RBFOX1: variants seen among roughly 807,000 people sequenced by gnomAD.
RBFOX1 encodes the protein RNA binding protein fox-1 homolog 1.
A neutral mutation model predicts 57.7 loss-of-function variants in RBFOX1; 8 were observed. The observed-to-expected ratio is 0.14, with a 90% CI of 0.08 to 0.25. The LOEUF (loss-of-function observed/expected upper bound fraction) is 0.25, where lower values mean the gene tolerates loss of function less well. RBFOX1 is among the 10% of genes least tolerant of loss of function. RBFOX1 has a pLI of 1.00. For missense variants in RBFOX1, 611 were observed against 548.5 expected (o/e 1.11, Z -1.14); for synonymous variants, 326 against 222.4 (o/e 1.47, Z -4.15).
intron 1 of RBFOX1, among the ~76,000 whole-genome samples, chr16:6,078,870 T>G (rs2095953572): frequency 1.3e-5 from 2 of 152,264 alleles, no homozygotes; most frequent in South Asian, 4.1e-4. Context: ...TAAGACTCTA[T>G]CTGAAAACTG....
At chr16:5,362,197 CT>C (rs113440850) in intron 1 of RBFOX1, among the ~76,000 whole-genome samples, 79 of 146,884 alleles carry the variant, frequency 5.4e-4, no homozygotes, top group East Asian at 7.9e-4. Flanking sequence ...GTCACTGAAA[CT>C]TTTTTTTTTT....
chr16:5,689,965 G>C (rs1410221335), intron 3 of RBFOX1, among the ~76,000 whole-genome samples: 1 of 152,214 alleles, frequency 6.6e-6, no homozygotes, highest in Non-Finnish European at 1.5e-5. Flanking sequence ...CATGCAGAGA[G>C]ACAGCAGGGG....
intron 3 of RBFOX1, among the ~76,000 whole-genome samples, chr16:6,760,360 T>G (rs548259026): frequency 2.8e-4 from 43 of 152,312 alleles, no homozygotes; most frequent in African/African-American, 8.9e-4. Flanking sequence ...CAGTCTTTTG[T>G]TTTTAAAGCA....
At chr16:5,268,199 C>G (rs186289727) in intron 1 of RBFOX1, among the ~76,000 whole-genome samples, 1 of 152,202 alleles carries the variant, frequency 6.6e-6, no homozygotes, top group East Asian at 1.9e-4. Flanking sequence ...GCAGCCTCTA[C>G]TAGAATGAAG....
intron 4 of RBFOX1, among the ~76,000 whole-genome samples, chr16:5,875,821 T>C (rs961583446): frequency 6.6e-6 from 1 of 151,860 alleles, no homozygotes. Context: ...CTGTGAGGTT[T>C]GGGGGATGAA....
At chr16:6,933,395 C>G (rs1240976688) in intron 3 of RBFOX1, among the ~76,000 whole-genome samples, 1 of 152,216 alleles carries the variant, frequency 6.6e-6, no homozygotes, top group Non-Finnish European at 1.5e-5. Context: ...TCATTGCCAA[C>G]ACTTATATTC....
chr16:7,013,470 T>C (rs1489251926), intron 3 of RBFOX1, among the ~76,000 whole-genome samples: 1 of 152,168 alleles, frequency 6.6e-6, no homozygotes, highest in Non-Finnish European at 1.5e-5. Flanking sequence ...ATCTAGCAGA[T>C]GGAGTGAAGG....
intron 4 of RBFOX1, among the ~76,000 whole-genome samples, chr16:7,482,053 C>T (rs1452044751): frequency 2.0e-5 from 3 of 152,190 alleles, no homozygotes; most frequent in Non-Finnish European, 4.4e-5. Context: ...GTATTGCCTA[C>T]AAATCAAGCC....
At chr16:6,897,036 A>G (rs116923286) in intron 3 of RBFOX1, among the ~76,000 whole-genome samples, 1,880 of 152,186 alleles carry the variant, frequency 0.012, 21 homozygotes, top group Non-Finnish European at 0.02. Flanking sequence ...CTGTGCCCAG[A>G]CCTGAGCTCT....
intron 4 of RBFOX1, among the ~76,000 whole-genome samples, chr16:7,337,599 C>T (rs1053368129): frequency 8.5e-5 from 13 of 152,164 alleles, no homozygotes; most frequent in African/African-American, 2.4e-4. Context: ...CTAAGCACTG[C>T]GTCTCTGCAA....
intron 3 of RBFOX1, among the ~76,000 whole-genome samples, chr16:6,864,404 C>T (rs1326774297): frequency 6.6e-6 from 1 of 152,104 alleles, no homozygotes; most frequent in East Asian, 1.9e-4. Flanking sequence ...TTTGCAGGCA[C>T]AGAAATTTTG....
chr16:6,884,086 A>G (rs1285609224), intron 3 of RBFOX1, among the ~76,000 whole-genome samples: 2 of 152,196 alleles, frequency 1.3e-5, no homozygotes, highest in African/African-American at 2.4e-5. Context: ...TGTGTTATGC[A>G]AGCACCTGCG....
chr16:6,859,187 A>ATATATACG (rs2058558101), intron 3 of RBFOX1, among the ~76,000 whole-genome samples: 2 of 64,008 alleles, frequency 3.1e-5, no homozygotes, highest in Non-Finnish European at 6.0e-5. Flanking sequence ...ATATATATGT[A>ATATATACG]TATATATATG....
chr16:5,269,019 A>G (rs1367434227), intron 1 of RBFOX1, among the ~76,000 whole-genome samples: 8 of 150,890 alleles, frequency 5.3e-5, no homozygotes, highest in African/African-American at 1.9e-4. Context: ...GATTCAAGTT[A>G]CTCTCCTGCC....
chr16:6,991,161 A>AAAAACAAAC (rs1271872183), intron 3 of RBFOX1, among the ~76,000 whole-genome samples: 1 of 139,930 alleles, frequency 7.1e-6, no homozygotes, highest in African/African-American at 2.7e-5. Flanking sequence ...AAAAAAAAAA[A>AAAAACAAAC]AGACACGGTG....
At chr16:5,436,780 G>A (rs1446754145) in intron 1 of RBFOX1, among the ~76,000 whole-genome samples, 2 of 152,106 alleles carry the variant, frequency 1.3e-5, no homozygotes, top group Non-Finnish European at 2.9e-5. Flanking sequence ...GGAGGTTGCA[G>A]CGAGCTGAGA....
Position 5,363,171 on chromosome 16 carries a change from C to A in RBFOX1, c.220-104045C>A, listed in dbSNP as rs2065603541. On this transcript the variant is annotated intron_variant, in intron 1 of 2. Transcript: ENST00000585867. ...GCTTCAGCCTCCTGAGTAGCTGGGA[C>A]TACAGGCATGTGCCACAGCCCCTGG... Among the ~76,000 whole-genome samples the A allele has an allele frequency of 2.7e-5, 4 of 149,058 alleles. No homozygotes were observed. The South Asian group carries it at 8.6e-4, about 32-fold the overall frequency.
intron 2 of RBFOX1, among the ~76,000 whole-genome samples, chr16:6,414,175 A>G (rs2093555723): frequency 6.6e-6 from 1 of 152,222 alleles, no homozygotes; most frequent in East Asian, 1.9e-4. Context: ...AAGCAGGGGA[A>G]GATGATCTGA....
intron 3 of RBFOX1, among the ~76,000 whole-genome samples, chr16:7,042,897 G>A (rs1305535876): frequency 1.3e-5 from 2 of 152,198 alleles, no homozygotes; most frequent in Admixed American, 1.3e-4. Flanking sequence ...CTGCACTCCA[G>A]CCTGGGTGAC....
Sources: allele counts gnomAD v4.1 joint callset (sites outside exome capture counted in the v4.1 genomes callset), GRCh38; gene constraint gnomAD v4.1.1; transcripts MANE v1.5; gene names NCBI Gene and HGNC (gene_info 2026-07-23, HGNC 2026-07-21).